Variants in CDK14 observed in about 807,000 individuals in gnomAD.
The protein encoded by CDK14 is cyclin-dependent kinase 14.
In CDK14, 34 loss-of-function variants were observed where a neutral mutation model predicts 60.7. The ratio of observed to expected loss-of-function variants is 0.56; its 90% CI spans 0.43 to 0.75. The LOEUF (loss-of-function observed/expected upper bound fraction) is 0.75. Among genes scored for constraint, CDK14 ranks in the 30% least tolerant of loss-of-function variants. The probability of loss-of-function intolerance (pLI) is 0.00; values close to 1 mark genes in which losing one functional copy is unlikely to be tolerated. For missense variants in CDK14, 482 were observed against 564.1 expected (o/e 0.85, Z 1.47); for synonymous variants, 197 against 203.7 (o/e 0.97, Z 0.28).
At chr7:90,940,810 T>C (rs905372514) in intron 8 of CDK14, among the ~76,000 whole-genome samples, 1 of 152,206 alleles carries the variant, frequency 6.6e-6, no homozygotes, top group Admixed American at 6.5e-5. Flanking sequence ...TATATCTATC[T>C]ATATCTGTAT....
intron 11 of CDK14, among the ~76,000 whole-genome samples, chr7:91,075,274 A>T (rs1798266966): frequency 6.6e-6 from 1 of 151,068 alleles, no homozygotes; most frequent in South Asian, 2.1e-4. Flanking sequence ...CCAGCAGCAC[A>T]TCAAAAAGCT....
intron 10 of CDK14, among the ~76,000 whole-genome samples, chr7:91,013,853 A>G (rs1356408258): frequency 6.6e-6 from 1 of 152,004 alleles, no homozygotes; most frequent in Admixed American, 6.6e-5. Flanking sequence ...ACAGGAGGGA[A>G]TTCTAGAGAG....
intron 5 of CDK14, among the ~76,000 whole-genome samples, chr7:90,821,929 G>A (rs1277461545): frequency 3.9e-5 from 6 of 152,118 alleles, no homozygotes; most frequent in Admixed American, 6.6e-5. Flanking sequence ...CTGTACCTTC[G>A]TTCAGGCCTT....
chr7:90,973,878 T>A (rs1209900495), intron 9 of CDK14, among the ~76,000 whole-genome samples: 2 of 152,122 alleles, frequency 1.3e-5, no homozygotes, highest in Non-Finnish European at 2.9e-5. Context: ...ACGCATTGTC[T>A]TGAAAAACAT....
intron 5 of CDK14, among the ~76,000 whole-genome samples, chr7:90,800,830 C>T (rs897920417): frequency 2.0e-5 from 3 of 152,154 alleles, no homozygotes; most frequent in African/African-American, 7.2e-5. Flanking sequence ...CTTTTAGAGG[C>T]TATAGGGAAG....
chr7:90,668,226 C>T (rs1026104788), intron 2 of CDK14, among the ~76,000 whole-genome samples: 2 of 152,132 alleles, frequency 1.3e-5, no homozygotes, highest in Non-Finnish European at 2.9e-5. Flanking sequence ...TGTGAAGTGA[C>T]ATGTCTTTGT....
At chr7:90,945,281 C>T (rs1171131263) in intron 8 of CDK14, among the ~76,000 whole-genome samples, 1 of 152,172 alleles carries the variant, frequency 6.6e-6, no homozygotes, top group Non-Finnish European at 1.5e-5. Flanking sequence ...AAGCATTTTT[C>T]ATGCATTATC....
At chr7:90,762,323 G>T (rs2188241) in intron 4 of CDK14, among the ~76,000 whole-genome samples, 68,351 of 151,860 alleles carry the variant, frequency 0.45, 16,127 homozygotes, top group East Asian at 0.82. Context: ...GGATCTGCTG[G>T]TGGGTCACAT....
At chr7:91,143,220 C>G (rs2115630356) in intron 14 of CDK14, among the ~76,000 whole-genome samples, 1 of 152,266 alleles carries the variant, frequency 6.6e-6, no homozygotes, top group Admixed American at 6.5e-5. Flanking sequence ...ATGTTTGAAG[C>G]TGGACAAGAA....
chr7:91,154,151 TTTA>T (rs1197235580), intron 14 of CDK14, among the ~76,000 whole-genome samples: 1 of 152,094 alleles, frequency 6.6e-6, no homozygotes, highest in African/African-American at 2.4e-5. Flanking sequence ...TTTTAGGGGT[TTTA>T]TTATTTGTCT....
chr7:90,978,877 T>G (rs1795148882), intron 9 of CDK14, among the ~76,000 whole-genome samples: 1 of 152,234 alleles, frequency 6.6e-6, no homozygotes, highest in African/African-American at 2.4e-5. Context: ...TTATTTCTAT[T>G]ATTTACAAAT....
intron 12 of CDK14, among the ~76,000 whole-genome samples, chr7:91,099,063 T>A (rs1307603910): frequency 2.0e-5 from 3 of 152,186 alleles, no homozygotes; most frequent in African/African-American, 7.2e-5. Flanking sequence ...AGAGCTATTT[T>A]TAGTGCTACT....
chr7:90,636,871 A>G (rs1800164219), intron 2 of CDK14, among the ~76,000 whole-genome samples: 1 of 151,958 alleles, frequency 6.6e-6, no homozygotes, highest in Non-Finnish European at 1.5e-5. Flanking sequence ...GGGAGAGTGT[A>G]TGTGTCGAGG....
At chr7:90,934,602 A>G (rs1334773480) in intron 8 of CDK14, among the ~76,000 whole-genome samples, 3 of 152,196 alleles carry the variant, frequency 2.0e-5, no homozygotes, top group Admixed American at 6.5e-5. Context: ...TAGTTTTTTT[A>G]TTTTGGACAA....
At chr7:91,109,431 A>T (rs1562908060) in intron 12 of CDK14, among the ~76,000 whole-genome samples, 1 of 152,146 alleles carries the variant, frequency 6.6e-6, no homozygotes, top group Non-Finnish European at 1.5e-5. Context: ...AAGACGAAAA[A>T]TTAAGAGGAA....
chr7:90,857,063 A>G (rs1355657954), intron 5 of CDK14, among the ~76,000 whole-genome samples: 2 of 152,122 alleles, frequency 1.3e-5, no homozygotes, highest in East Asian at 3.8e-4. Context: ...ATGATCTAGA[A>G]AATTATCTCA....
At chr7:91,174,197 A>G (rs930343346) in intron 14 of CDK14, among the ~76,000 whole-genome samples, 1 of 151,988 alleles carries the variant, frequency 6.6e-6, no homozygotes, top group African/African-American at 2.4e-5. Context: ...GCAGGGGCAC[A>G]CTGACACCTC....
At chr7:90,944,406 T>A (rs1168794446) in intron 8 of CDK14, among the ~76,000 whole-genome samples, 1 of 152,110 alleles carries the variant, frequency 6.6e-6, no homozygotes, top group Non-Finnish European at 1.5e-5. Context: ...AGGCCAGACG[T>A]CATGCCAGGA....
chr7:90,864,751 G>C (rs935040888), intron 6 of CDK14, among the ~76,000 whole-genome samples: 1 of 152,068 alleles, frequency 6.6e-6, no homozygotes, highest in Admixed American at 6.6e-5. Context: ...CCAAATAAAA[G>C]GAAATAAATT....
Sources: allele counts gnomAD v4.1 joint callset (sites outside exome capture counted in the v4.1 genomes callset), GRCh38; gene constraint gnomAD v4.1.1; transcripts MANE v1.5; gene names NCBI Gene and HGNC (gene_info 2026-07-23, HGNC 2026-07-21).